Variants in GABRA5 observed in about 807,000 individuals in gnomAD.
GABRA5 encodes the protein gamma-aminobutyric acid type A receptor subunit alpha5.
In GABRA5, 18 loss-of-function variants were observed where a neutral mutation model predicts 47.3. That is an observed-to-expected ratio of 0.38 (90% CI 0.26 to 0.56). The LOEUF (loss-of-function observed/expected upper bound fraction) is 0.56. Ranked by LOEUF, GABRA5 falls within the 20% of genes least tolerant of loss-of-function variation. The pLI is 0.71. For synonymous variants in GABRA5, 237 were observed against 229.3 expected (o/e 1.03, Z -0.30); for missense variants, 365 against 599.3 (o/e 0.61, Z 4.08).
At chr15:26,878,012 T>G (rs1377141571) in intron 3 of GABRA5, among the ~76,000 whole-genome samples, 1 of 152,186 alleles carries the variant, frequency 6.6e-6, no homozygotes, top group Non-Finnish European at 1.5e-5. Flanking sequence ...CTGTACTCAG[T>G]GCAGTTGAGA....
intron 9 of GABRA5, among the ~76,000 whole-genome samples, chr15:26,940,664 G>A (rs545417847): frequency 3.3e-5 from 5 of 152,274 alleles, no homozygotes; most frequent in South Asian, 2.1e-4. Context: ...TCTTTGAAAT[G>A]TGCCTGCCAC....
intron 3 of GABRA5, among the ~76,000 whole-genome samples, chr15:26,877,969 C>G (rs1892637592): frequency 6.6e-6 from 1 of 152,186 alleles, no homozygotes; most frequent in South Asian, 2.1e-4. Flanking sequence ...CTCGTGGACT[C>G]TGGTCGACCT....
At chr15:26,872,580 G>A (rs1467755780) in intron 3 of GABRA5, among the ~76,000 whole-genome samples, 1 of 152,194 alleles carries the variant, frequency 6.6e-6, no homozygotes, top group Non-Finnish European at 1.5e-5. Flanking sequence ...GGTCAACTCA[G>A]TTTATTTTCC....
intron 6 of GABRA5, among the ~76,000 whole-genome samples, chr15:26,908,331 C>T (rs550530747): frequency 6.6e-6 from 1 of 152,234 alleles, no homozygotes; most frequent in South Asian, 2.1e-4. Flanking sequence ...AAGGATGTGA[C>T]TCAGGTGTAG....
intron 3 of GABRA5, among the ~76,000 whole-genome samples, chr15:26,878,699 G>T (rs1892656284): frequency 6.6e-6 from 1 of 152,206 alleles, no homozygotes; most frequent in East Asian, 1.9e-4. Flanking sequence ...TGGCAGGAAA[G>T]GGCAGACACT....
chr15:26,910,068 A>G (rs1196335128), intron 6 of GABRA5, among the ~76,000 whole-genome samples: 1 of 128,574 alleles, frequency 7.8e-6, no homozygotes, highest in African/African-American at 3.0e-5. Context: ...AATGAAATAA[A>G]TGTTTTTTTT....
intron 3 of GABRA5, among the ~76,000 whole-genome samples, chr15:26,873,895 G>A (rs1156798992): frequency 6.6e-6 from 1 of 152,214 alleles, no homozygotes; most frequent in Admixed American, 6.5e-5. Context: ...AAAAAATGTA[G>A]GTGGTTAAAA....
chr15:26,934,596 G>A (rs962659599), intron 7 of GABRA5, among the ~76,000 whole-genome samples: 2 of 152,202 alleles, frequency 1.3e-5, no homozygotes, highest in African/African-American at 4.8e-5. Flanking sequence ...TGAGTCAGGT[G>A]CGTGCTAAAT....
intron 3 of GABRA5, among the ~76,000 whole-genome samples, chr15:26,878,434 C>T (rs1205437024): frequency 1.3e-5 from 2 of 152,124 alleles, no homozygotes; most frequent in East Asian, 3.9e-4. Flanking sequence ...TTCATAACCA[C>T]GCACTGCAGA....
intron 6 of GABRA5, among the ~76,000 whole-genome samples, chr15:26,895,453 G>A (rs897773193): frequency 2.6e-5 from 4 of 152,012 alleles, no homozygotes; most frequent in African/African-American, 9.7e-5. Context: ...TGTGACTTGG[G>A]AGAAGTTATC....
intron 6 of GABRA5, among the ~76,000 whole-genome samples, chr15:26,897,391 G>A (rs533646017): frequency 4.2e-4 from 64 of 152,266 alleles, no homozygotes; most frequent in Non-Finnish European, 6.6e-4. Flanking sequence ...CCATCTGCAA[G>A]CCAAGCACAG....
chr15:26,947,042 T>G (rs1045731074), intron 10 of GABRA5, among the ~76,000 whole-genome samples: 1 of 152,164 alleles, frequency 6.6e-6, no homozygotes, highest in African/African-American at 2.4e-5. Flanking sequence ...CCATGATGTT[T>G]AATCGCATCC....
chr15:26,911,021 C>T (rs1034657246), intron 6 of GABRA5, among the ~76,000 whole-genome samples: 3 of 152,078 alleles, frequency 2.0e-5, no homozygotes, highest in Non-Finnish European at 4.4e-5. Context: ...AAGCATAGGC[C>T]ATTTTTGAAA....
intron 3 of GABRA5, 84 bp from the exon 4 acceptor site, chr15:26,880,762 G>T: frequency 6.9e-7 from 1 of 1,442,380 alleles, no homozygotes; most frequent in Non-Finnish European, 9.5e-7. Context: ...AAGCCTCCAC[G>T]TGACTCCCTG....
intron 3 of GABRA5, among the ~76,000 whole-genome samples, chr15:26,872,556 G>T (rs68125749): frequency 0.3 from 45,503 of 152,004 alleles, 6,855 homozygotes; most frequent in Middle Eastern, 0.35. Context: ...GGATTAGCGG[G>T]AAAAAAGAGT....
intron 6 of GABRA5, among the ~76,000 whole-genome samples, chr15:26,889,157 T>A (rs1832012938): frequency 6.6e-6 from 1 of 152,246 alleles, no homozygotes; most frequent in Non-Finnish European, 1.5e-5. Context: ...CTGTTTTTAC[T>A]TTAAGGAAGA....
At chr15:26,945,439 C>G (rs1014097602) in intron 10 of GABRA5, among the ~76,000 whole-genome samples, 1 of 152,204 alleles carries the variant, frequency 6.6e-6, no homozygotes, top group Non-Finnish European at 1.5e-5. Context: ...TAGGAGTGAA[C>G]GTTTGGGAAA....
chr15:26,948,234 C>T lies in GABRA5; in HGVS notation c.*1C>T, dbSNP rs781156588. ...AAAAGGAGCCGCCTCTCCAAAATAA[C>T]CGGCCACACTCCCAAACTCCAAGAC... On this transcript the variant is annotated 3_prime_UTR_variant, in exon 11 of 11. Transcript: ENST00000335625. 12 of 1,609,710 alleles carry T rather than the reference C, an allele frequency of 7.5e-6. No individual in the cohort carries two copies. Among genetic ancestry groups the T allele is most frequent in the African/African-American group, 1.3e-5 (1 of 74,732 alleles).
chr15:26,890,184 A>T (rs1892971284), intron 6 of GABRA5, among the ~76,000 whole-genome samples: 1 of 152,148 alleles, frequency 6.6e-6, no homozygotes, highest in Non-Finnish European at 1.5e-5. Context: ...AAATCCCAGG[A>T]ATTGGACAAA....
Sources: gnomAD v4.1 joint callset for allele counts (sites outside exome capture counted in the v4.1 genomes callset) on GRCh38, gnomAD v4.1.1 for gene constraint, MANE v1.5 for transcripts, NCBI Gene and HGNC (gene_info 2026-07-23, HGNC 2026-07-21) for gene names.